Variants in BRSK2 observed in about 807,000 individuals in gnomAD.
BRSK2 encodes the protein serine/threonine-protein kinase BRSK2.
Under a neutral mutation model 83.3 loss-of-function variants are expected in BRSK2, and 19 were observed. The observed-to-expected ratio is 0.23, with a 90% CI of 0.16 to 0.33. The LOEUF is 0.33. BRSK2 is among the 10% of genes least tolerant of loss of function. BRSK2 has a pLI of 1.00. For synonymous variants in BRSK2, 519 were observed against 435.4 expected, an observed-to-expected ratio of 1.19 and a Z score of -2.39; for missense variants, 798 against 1,042.3, an observed-to-expected ratio of 0.77 and a Z score of 3.23.
At position 1,459,574 on chromosome 11, in the gene BRSK2, C is replaced by T. The variant is rs1847145462; in HGVS notation, c.1987+335C>T. 3 of 359,202 alleles carry T rather than the reference C, an allele frequency of 8.4e-6. No individual in the cohort carries two copies. In the South Asian group the frequency reaches 1.0e-4, roughly 12 times the overall value. 22.3% of individuals were successfully genotyped at this position (359,202 alleles called of 1,614,324 possible). A position where few individuals can be genotyped will look rare whatever the true frequency, so the allele number is the denominator to read the frequency against. On this transcript the variant is annotated intron_variant, in intron 19 of 19. Transcript: ENST00000528841. ...CTGTGGCCTAGGGGAGGGGCCGGTG[C>T]CCATCCCTCTGTCCACTGGAGGCTG...
chr11:1,416,206 T>A (rs1358020901), intron 1 of BRSK2, among the ~76,000 whole-genome samples: 2 of 152,216 alleles, frequency 1.3e-5, no homozygotes, highest in Non-Finnish European at 2.9e-5. Flanking sequence ...CACAGCACTT[T>A]GATTTTGTCA....
In BRSK2 at chr11:1,423,376, G is replaced by C. The variant is rs1203837202; in HGVS notation, c.92-12664G>C. On this transcript the variant is annotated intron_variant, in intron 1 of 19. Transcript: ENST00000528841. The surrounding 1 kb of genome is among the most constrained non-coding windows in gnomAD (Gnocchi z 6.5). ...CTTCAGTTAGGAGCCGAGGCCTCTG[G>C]CCAGGTTCAGGCACGTGGAGAGTGT... Among the ~76,000 whole-genome samples the C allele has an allele frequency of 6.6e-6, 1 of 152,164 alleles. No individual in the cohort carries two copies. The highest frequency in any genetic ancestry group is 6.5e-5 in the Admixed American group (1 of 15,282).
rs1036621555 is a variant in BRSK2, at chr11:1,446,170, CTGGGCTGGGCTGGGCTAGTT to C, written c.1226+275_1226+294del. Among the ~76,000 whole-genome samples, 20 of 142,924 alleles carry C rather than the reference CTGGGCTGGGCTGGGCTAGTT, an allele frequency of 1.4e-4. 1 individual carries two copies. The highest frequency in any genetic ancestry group is 2.4e-4 in the Non-Finnish European group (16 of 66,670). The allele number at this position is 142,924 out of a possible 152,430, so 93.8% of individuals were successfully genotyped here. ...CTGGGCTAGGCTGAGCTGGGCTGGC[CTGGGCTGGGCTGGGCTAGTT>C]TGGGCTGGGCTAGACTGCACTTGGT... On this transcript the variant is annotated intron_variant, in intron 12 of 19. Transcript: ENST00000528841.
At chr11:1,456,772 C>A in intron 18 of BRSK2, 85 bp downstream of exon 18, 3 of 1,427,346 alleles carry the variant, frequency 2.1e-6, no homozygotes, top group Non-Finnish European at 2.8e-6. Context: ...GGCGTGAGGA[C>A]CCGGGCGCAG....
At chr11:1,413,136 C>T (rs1847727257) in intron 1 of BRSK2, among the ~76,000 whole-genome samples, 2 of 152,146 alleles carry the variant, frequency 1.3e-5, no homozygotes, top group Non-Finnish European at 2.9e-5. Context: ...CCAGCTCAGA[C>T]CTAAGCCAGG....
At chr11:1,434,187 G>A (rs1280403679) in intron 1 of BRSK2, among the ~76,000 whole-genome samples, 3 of 152,254 alleles carry the variant, frequency 2.0e-5, no homozygotes, top group Admixed American at 6.5e-5. Flanking sequence ...CACCGGTGAC[G>A]TCCCGCGGGT....
chr11:1,451,992 C>G (rs1845869943), intron 15 of BRSK2, among the ~76,000 whole-genome samples: 1 of 152,098 alleles, frequency 6.6e-6, no homozygotes, highest in Non-Finnish European at 1.5e-5. Flanking sequence ...AGGCCCTCTC[C>G]CTCCTCTCCA....
At chr11:1,448,423 ACT>A (rs1185094555) in intron 12 of BRSK2, among the ~76,000 whole-genome samples, 1 of 151,580 alleles carries the variant, frequency 6.6e-6, no homozygotes, top group Non-Finnish European at 1.5e-5. Flanking sequence ...GTGTGCCCTC[ACT>A]CTGCCTGCCC....
Position 1,445,082 on chromosome 11 carries a change from A to G in BRSK2, c.812+80A>G, listed in dbSNP as rs116364704. The stretch of plus-strand genomic sequence containing the variant: ...AGGCCCTGCTAGGAAAGGCGGGGGG[A>G]GGGCGCCGGCCCAGCGCAGGTCCTG... On this transcript the variant is annotated intron_variant, in intron 9 of 19. Transcript: ENST00000528841. 5.2e-4 allele frequency: 807 copies of G among 1,557,560 alleles called. 3 individuals carry two copies. In the African/African-American group the frequency reaches 9.5e-3, roughly 18 times the overall value.
At chr11:1,421,166 T>C (rs1353626613) in intron 1 of BRSK2, among the ~76,000 whole-genome samples, 1 of 152,182 alleles carries the variant, frequency 6.6e-6, no homozygotes, top group Non-Finnish European at 1.5e-5. Context: ...CAGGCTGCGC[T>C]TCGGAGGGGA....
chr11:1,443,577 C>T lies in BRSK2; in HGVS notation c.722C>T (p.Pro241Leu). Residue 241 changes from proline (P) to leucine (L), a missense_variant, in exon 8 of 20, where the codon CCC becomes CTC. Coordinates refer to ENST00000528841, the MANE Select transcript of BRSK2 (RefSeq NM_001256627.2). The stretch of plus-strand genomic sequence containing the variant: ...TTCCACATGCCGCACTTTATCCCGC[C>T]CGACTGCCAGAGTCTGCTACGGGGC... ...GVFHMPHFIPPDCQSLLRGMI... is the reference protein window; with the variant it reads ...GVFHMPHFIPLDCQSLLRGMI... 2 of 1,610,652 alleles carry T rather than the reference C, an allele frequency of 1.2e-6. No homozygotes were observed. The highest frequency in any genetic ancestry group is 1.7e-6 in the Non-Finnish European group (2 of 1,178,916).
At chr11:1,436,528 C>T (rs1255251567) in intron 2 of BRSK2, among the ~76,000 whole-genome samples, 1 of 152,196 alleles carries the variant, frequency 6.6e-6, no homozygotes, top group East Asian at 1.9e-4. Context: ...CTGCACCTTC[C>T]TCTTCCACTG....
intron 1 of BRSK2, among the ~76,000 whole-genome samples, chr11:1,429,444 G>A (rs1020331875): frequency 2.6e-5 from 4 of 152,070 alleles, no homozygotes; most frequent in African/African-American, 9.7e-5. Flanking sequence ...ACCTAGGGGT[G>A]TACACAGGTG....
In BRSK2 at chr11:1,443,480, C is replaced by T. The variant is rs547233706; in HGVS notation, c.634-9C>T. On this transcript the variant is annotated splice_polypyrimidine_tract_variant and intron_variant, in intron 7 of 19. Transcript: ENST00000528841. ...CCCCACGCTGACCCCCACACCCGGC[C>T]GCCCGCAGGGGGCTCTGCCCTTCGA... The T allele has an allele frequency of 1.0e-4, 159 of 1,584,442 alleles. 1 individual carries two copies. In the South Asian group the frequency reaches 1.4e-3, roughly 14 times the overall value.
chr11:1,426,686 C>T (rs1190390167), intron 1 of BRSK2, among the ~76,000 whole-genome samples: 1 of 152,124 alleles, frequency 6.6e-6, no homozygotes, highest in East Asian at 1.9e-4. Flanking sequence ...AGGTGTCCTC[C>T]CTCCAGGAGG....
chr11:1,405,878 C>A (rs1429521075), intron 1 of BRSK2, among the ~76,000 whole-genome samples: 1 of 152,082 alleles, frequency 6.6e-6, no homozygotes. Context: ...CCCCACACCC[C>A]TTGCCGAGTG....
intron 19 of BRSK2, 133 bp from the exon 20 acceptor site, chr11:1,460,367 C>G (rs1016673883): frequency 9.5e-7 from 1 of 1,052,800 alleles, no homozygotes; most frequent in Non-Finnish European, 1.3e-6. Flanking sequence ...GGGTTCTTTC[C>G]CTCGTCGAGG....
At chr11:1,437,808 A>G (rs1441646846) in intron 2 of BRSK2, among the ~76,000 whole-genome samples, 1 of 152,132 alleles carries the variant, frequency 6.6e-6, no homozygotes, top group Non-Finnish European at 1.5e-5. Context: ...CCTTATCTCC[A>G]ACAGCTCCAG....
intron 1 of BRSK2, among the ~76,000 whole-genome samples, chr11:1,401,860 C>G (rs1185607689): frequency 6.6e-6 from 1 of 152,230 alleles, no homozygotes; most frequent in Non-Finnish European, 1.5e-5. Flanking sequence ...TCCTCACAGC[C>G]CAGCTGCAGC....
Sources: allele counts gnomAD v4.1 joint callset (sites outside exome capture counted in the v4.1 genomes callset), GRCh38; gene constraint gnomAD v4.1.1; non-coding constraint Gnocchi (gnomAD v3.1); transcripts MANE v1.5; gene names NCBI Gene and HGNC (gene_info 2026-07-23, HGNC 2026-07-21).